Variants in QTGAL observed in about 807,000 individuals in gnomAD.
The protein encoded by QTGAL is queuosine-tRNA galactosyltransferase.
chr17:83,006,599 A>G, the QTGAL span: 1 of 985,394 alleles, frequency 1.0e-6, no homozygotes, highest in Non-Finnish European at 1.2e-6. The surrounding 1 kb of genome is among the most constrained non-coding windows in gnomAD (Gnocchi z 5.8). Context: ...CAGCCCCTCA[A>G]CGGCAGCCGC....
chr17:83,006,288 G>A, the QTGAL span: 47 of 985,410 alleles, frequency 4.8e-5, no homozygotes, highest in East Asian at 1.1e-4. The surrounding 1 kb of genome is among the most constrained non-coding windows in gnomAD (Gnocchi z 5.8). Context: ...CTTGTGTAGC[G>A]TTTACGCGTA....
At chr17:83,037,072 G>GA in the QTGAL span, among the ~76,000 whole-genome samples, 926 of 152,296 alleles carry the variant, frequency 6.1e-3, 14 homozygotes, top group African/African-American at 0.021. This position sits in a 1 kb window ranked among gnomAD's most constrained non-coding sequence, Gnocchi z 5.2. Context: ...TGGCACCCAG[G>GA]AAAGTCATAC....
At chr17:82,977,916 C>A in the QTGAL span, among the ~76,000 whole-genome samples, 1 of 152,134 alleles carries the variant, frequency 6.6e-6, no homozygotes, top group South Asian at 2.1e-4. Flanking sequence ...CCAGCATTTC[C>A]GCTCCATCCC....
At chr17:83,009,364 C>A in the QTGAL span, among the ~76,000 whole-genome samples, 1 of 151,948 alleles carries the variant, frequency 6.6e-6, no homozygotes, top group Non-Finnish European at 1.5e-5. Flanking sequence ...GCGGAGGTTG[C>A]AGTGAGCCGA....
chr17:82,957,514 G>C, the QTGAL span: 1 of 1,588,878 alleles, frequency 6.3e-7, no homozygotes. Flanking sequence ...AGAAGAGGGT[G>C]ATAGGCAGGC....
the QTGAL span, among the ~76,000 whole-genome samples, chr17:83,024,398 C>T: frequency 6.6e-6 from 1 of 152,266 alleles, no homozygotes; most frequent in African/African-American, 2.4e-5. Flanking sequence ...ACCTCCAAGA[C>T]CACACGGCGG....
the QTGAL span, among the ~76,000 whole-genome samples, chr17:82,990,214 T>C: frequency 2.0e-5 from 3 of 152,284 alleles, no homozygotes; most frequent in African/African-American, 7.2e-5. Flanking sequence ...ATACTGGTGA[T>C]GGAACAGAAC....
chr17:83,010,189 T>C, the QTGAL span, among the ~76,000 whole-genome samples: 60,581 of 151,852 alleles, frequency 0.4, 12,170 homozygotes, highest in East Asian at 0.5. Context: ...GGCAGGCGGC[T>C]CTTCTCCAGC....
the QTGAL span, among the ~76,000 whole-genome samples, chr17:83,008,136 C>A: frequency 7.1e-6 from 1 of 141,562 alleles, no homozygotes; most frequent in Admixed American, 6.8e-5. Flanking sequence ...ACGTCAGATT[C>A]TCAGGGCAGG....
At chr17:82,985,690 C>T in the QTGAL span, among the ~76,000 whole-genome samples, 3 of 152,138 alleles carry the variant, frequency 2.0e-5, no homozygotes, top group South Asian at 2.1e-4. Flanking sequence ...CCCTAATACG[C>T]GGGACTGAAT....
At chr17:82,951,811 G>T in the QTGAL span, among the ~76,000 whole-genome samples, 2 of 151,746 alleles carry the variant, frequency 1.3e-5, no homozygotes, top group Non-Finnish European at 2.9e-5. Context: ...GGTGGGGTGG[G>T]GGGGAGCGGG....
At chr17:83,016,842 A>G in the QTGAL span, among the ~76,000 whole-genome samples, 1 of 152,150 alleles carries the variant, frequency 6.6e-6, no homozygotes, top group East Asian at 1.9e-4. Context: ...TATTTCAAAA[A>G]GAAGAGCTGA....
At chr17:83,044,838 C>A in the QTGAL span, among the ~76,000 whole-genome samples, 1 of 151,838 alleles carries the variant, frequency 6.6e-6, no homozygotes, top group African/African-American at 2.4e-5. Flanking sequence ...CCCAGCTGCT[C>A]GGGAGGCTGA....
chr17:82,981,910 T>C, the QTGAL span, among the ~76,000 whole-genome samples: 2 of 152,258 alleles, frequency 1.3e-5, no homozygotes, highest in African/African-American at 4.8e-5. Context: ...AAAGTGTTAC[T>C]AAGAAAATCA....
chr17:82,956,769 C>A, the QTGAL span: 2 of 1,577,744 alleles, frequency 1.3e-6, no homozygotes, highest in African/African-American at 2.7e-5. The surrounding 1 kb of genome is among the most constrained non-coding windows in gnomAD (Gnocchi z 5.7). Context: ...TTGGGTCTTT[C>A]CTGAGAGTGA....
the QTGAL span, among the ~76,000 whole-genome samples, chr17:83,028,386 A>T: frequency 4.0e-4 from 60 of 149,762 alleles, no homozygotes; most frequent in African/African-American, 1.1e-3. Flanking sequence ...TAGCCGGGCG[A>T]GGTGGCGGGC....
At chr17:82,944,456 C>T in the QTGAL span, 1 of 152,222 alleles carries the variant, frequency 6.6e-6, no homozygotes, top group Non-Finnish European at 1.5e-5. Flanking sequence ...CAAGCACCAT[C>T]AAGGCAGGCA....
At chr17:82,962,827 G>T in the QTGAL span, among the ~76,000 whole-genome samples, 72 of 152,346 alleles carry the variant, frequency 4.7e-4, no homozygotes, top group African/African-American at 1.1e-3. Flanking sequence ...TGGCAGTAAA[G>T]TGAGAATTTA....
the QTGAL span, among the ~76,000 whole-genome samples, chr17:82,998,962 T>C: frequency 0.034 from 1,706 of 49,742 alleles, 37 homozygotes; most frequent in African/African-American, 0.22. Flanking sequence ...TTAGCTAAAA[T>C]TAAAAAAAAA....
Sources: allele counts gnomAD v4.1 joint callset (sites outside exome capture counted in the v4.1 genomes callset), GRCh38; gene constraint gnomAD v4.1.1; non-coding constraint Gnocchi (gnomAD v3.1); transcripts MANE v1.5; gene names NCBI Gene and HGNC (gene_info 2026-07-23, HGNC 2026-07-21).